Variants in SHTN1 observed in about 807,000 individuals in gnomAD.
SHTN1 encodes the protein shootin-1.
Under a neutral mutation model 83.1 loss-of-function variants are expected in SHTN1, and 42 were observed. The observed-to-expected ratio is 0.51, with a 90% CI of 0.39 to 0.65. The LOEUF is 0.65. SHTN1 is among the 30% of genes least tolerant of loss of function. SHTN1 has a pLI of 0.00. For missense variants in SHTN1, 622 were observed against 737.8 expected (o/e 0.84, Z 1.82); for synonymous variants, 224 against 247.7 (o/e 0.90, Z 0.90).
At chr10:116,893,576 G>GCGCACACA (rs1554905664) in intron 16 of SHTN1, among the ~76,000 whole-genome samples, 1 of 123,594 alleles carries the variant, frequency 8.1e-6, no homozygotes, top group South Asian at 3.0e-4. Flanking sequence ...GCACTCATGT[G>GCGCACACA]CACACACACA....
At chr10:117,104,728 C>G (rs183978546) in intron 1 of SHTN1, among the ~76,000 whole-genome samples, 1 of 152,230 alleles carries the variant, frequency 6.6e-6, no homozygotes, top group East Asian at 1.9e-4. Flanking sequence ...GAGCCGAGAT[C>G]GCGCCACTGC....
intron 11 of SHTN1, among the ~76,000 whole-genome samples, chr10:116,924,564 G>A (rs1848673352): frequency 6.6e-6 from 1 of 151,990 alleles, no homozygotes; most frequent in Non-Finnish European, 1.5e-5. Flanking sequence ...CAGTCAAGAT[G>A]GGACTCAGAC....
At chr10:117,049,987 A>G (rs932197139) in intron 1 of SHTN1, among the ~76,000 whole-genome samples, 9 of 152,148 alleles carry the variant, frequency 5.9e-5, no homozygotes, top group Non-Finnish European at 1.2e-4. Context: ...AAGGAAGTGG[A>G]AGGAAGGAAA....
intron 16 of SHTN1, among the ~76,000 whole-genome samples, chr10:116,890,055 T>A (rs1847287789): frequency 6.6e-6 from 1 of 152,216 alleles, no homozygotes; most frequent in Admixed American, 6.5e-5. Flanking sequence ...CTAGTAGTCA[T>A]GGTGGCAGGT....
chr10:117,097,433 C>A (rs1487303877), intron 1 of SHTN1, among the ~76,000 whole-genome samples: 1 of 152,216 alleles, frequency 6.6e-6, no homozygotes, highest in Non-Finnish European at 1.5e-5. Context: ...GGCAAACAAT[C>A]TTTTCTCACA....
intron 16 of SHTN1, among the ~76,000 whole-genome samples, chr10:116,896,912 T>C (rs1459170158): frequency 6.6e-6 from 1 of 151,040 alleles, no homozygotes. Context: ...GTTCAAGCAA[T>C]TCTCCTGCCT....
chr10:116,931,120 A>G (rs1405362714), intron 9 of SHTN1, among the ~76,000 whole-genome samples: 1 of 125,662 alleles, frequency 8.0e-6, no homozygotes, highest in African/African-American at 2.9e-5. Context: ...TTTAGTAATA[A>G]GTATCAAAAG....
At chr10:117,084,838 G>C (rs1248675113) in intron 1 of SHTN1, among the ~76,000 whole-genome samples, 2 of 152,080 alleles carry the variant, frequency 1.3e-5, no homozygotes, top group African/African-American at 4.8e-5. Flanking sequence ...ATTAGGAAAG[G>C]GAACTCCCTG....
intron 1 of SHTN1, among the ~76,000 whole-genome samples, chr10:117,115,130 T>C (rs1053715948): frequency 1.3e-5 from 2 of 152,220 alleles, no homozygotes; most frequent in Non-Finnish European, 2.9e-5. Context: ...CCCCACAAAA[T>C]TGTGCCTATA....
chr10:116,894,892 C>G (rs1847462024), intron 16 of SHTN1, among the ~76,000 whole-genome samples: 1 of 152,168 alleles, frequency 6.6e-6, no homozygotes, highest in Non-Finnish European at 1.5e-5. Flanking sequence ...AAGCCTCTGC[C>G]TGACTGTGAT....
intron 4 of SHTN1, among the ~76,000 whole-genome samples, chr10:116,956,377 C>T (rs2133431604): frequency 6.6e-6 from 1 of 152,282 alleles, no homozygotes; most frequent in East Asian, 1.9e-4. Flanking sequence ...TAACCTAATC[C>T]TTATGTTTCA....
At chr10:116,940,660 C>G (rs749722365) in intron 8 of SHTN1, 48 bp from the exon 9 acceptor site, 5 of 1,417,392 alleles carry the variant, frequency 3.5e-6, no homozygotes, top group Middle Eastern at 1.8e-4. Flanking sequence ...ATCTCACATA[C>G]CTCCTCAACT....
chr10:116,957,857 T>C lies in SHTN1; in HGVS notation c.267+2279A>G, dbSNP rs554519540. 7.4e-4 allele frequency among the ~76,000 whole-genome samples: 112 copies of C among 152,172 alleles called. 2 individuals are homozygous for C. The South Asian group carries it at 0.022, about 30-fold the overall frequency. On this transcript the variant is annotated intron_variant, in intron 4 of 16. Transcript: ENST00000355371. ...GGCAGGTCACCTGAGGTCAGGAGTT[T>C]GAGACCAGCCTGGTCAACACAGTGA...
chr10:117,071,477 A>G (rs1853080125), intron 1 of SHTN1, among the ~76,000 whole-genome samples: 1 of 152,228 alleles, frequency 6.6e-6, no homozygotes, highest in South Asian at 2.1e-4. Context: ...TAAATGAGGA[A>G]ACTGGGGCAA....
chr10:117,040,520 G>T (rs890633292), intron 2 of SHTN1, among the ~76,000 whole-genome samples: 1 of 152,180 alleles, frequency 6.6e-6, no homozygotes, highest in East Asian at 1.9e-4. Context: ...AAAAGAATGT[G>T]TAAATATTGG....
chr10:117,115,370 A>G (rs1320777461), intron 1 of SHTN1, among the ~76,000 whole-genome samples: 2 of 152,172 alleles, frequency 1.3e-5, no homozygotes, highest in Non-Finnish European at 2.9e-5. Context: ...GAAGGTGCTC[A>G]ATAAATAGCA....
At chr10:117,097,808 T>G (rs1375325689) in intron 1 of SHTN1, among the ~76,000 whole-genome samples, 1 of 152,188 alleles carries the variant, frequency 6.6e-6, no homozygotes, top group African/African-American at 2.4e-5. Context: ...GCATCTCTAT[T>G]TAAGACTCTT....
chr10:116,906,852 T>A (rs918016870), intron 14 of SHTN1, 105 bp from the exon 15 acceptor site: 14 of 940,170 alleles, frequency 1.5e-5, no homozygotes, highest in African/African-American at 3.4e-5. Context: ...TTGAATGGAA[T>A]TATGAAACAA....
In SHTN1 at chr10:116,938,748, G is replaced by A. The variant is rs185769647; in HGVS notation, c.858+1718C>T. Among the ~76,000 whole-genome samples, 24 of 152,302 alleles carry A rather than the reference G, an allele frequency of 1.6e-4. No individual in the cohort carries two copies. In the East Asian group the frequency reaches 4.5e-3, roughly 28 times the overall value. ...GTCGGCAGGCAGGAACGTTTAAGCC[G>A]CTGAAGCTGTGCCCACAGCCGCCTC... On this transcript the variant is annotated intron_variant, in intron 9 of 16. Coordinates refer to ENST00000355371, the MANE Select transcript of SHTN1 (RefSeq NM_001127211.3).
Sources: allele counts gnomAD v4.1 joint callset (sites outside exome capture counted in the v4.1 genomes callset), GRCh38; gene constraint gnomAD v4.1.1; transcripts MANE v1.5; gene names NCBI Gene and HGNC (gene_info 2026-07-23, HGNC 2026-07-21).